DDX43: variants seen among roughly 807,000 people sequenced by gnomAD.
The protein encoded by DDX43 is DEAD-box helicase 43, also known as probable ATP-dependent RNA helicase DDX43.
In DDX43, 50 loss-of-function variants were observed where a neutral mutation model predicts 84.9. The observed-to-expected ratio is 0.59, with a 90% confidence interval of 0.47 to 0.75. The LOEUF is 0.75. Among genes scored for constraint, DDX43 ranks in the 30% least tolerant of loss-of-function variants. DDX43 has a pLI of 0.00. For synonymous variants in DDX43, 291 were observed against 266.3 expected (o/e 1.09, Z -0.90); for missense variants, 689 against 798.6 (o/e 0.86, Z 1.65).
chr6:73,414,708 A>C, intron 14 of DDX43, 22 bp downstream of exon 14: 2 of 1,593,938 alleles, frequency 1.3e-6, no homozygotes, highest in East Asian at 2.2e-5. Flanking sequence ...TAGTCCACCC[A>C]TGAAAGGCCA....
At chr6:73,410,072 C>CT (rs1263767952) in intron 10 of DDX43, among the ~76,000 whole-genome samples, 1 of 150,820 alleles carries the variant, frequency 6.6e-6, no homozygotes, top group East Asian at 1.9e-4. Flanking sequence ...GGCTTATATA[C>CT]TTTGTCTTTA....
intron 11 of DDX43, among the ~76,000 whole-genome samples, chr6:73,412,659 G>GTA (rs1166661733): frequency 1.1e-5 from 1 of 90,950 alleles, no homozygotes; most frequent in South Asian, 4.1e-4. Context: ...GTGTGTGTGT[G>GTA]TGTGTGTGTG....
In DDX43 at chr6:73,394,923, A is replaced by C. The variant is rs770071600; in HGVS notation, c.18A>C (p.Gly6=). The change falls in exon 1 of 17, where the codon GGA becomes GGC. Residue 6 remains glycine (G), a synonymous_variant. Coordinates refer to ENST00000370336, the MANE Select transcript of DDX43 (RefSeq NM_018665.3). MSHHG[G]APKASTWVVA... ...TTGGAACAATGTCCCACCACGGAGG[A>C]GCTCCCAAGGCCTCTACGTGGGTCG... 1.2e-6 allele frequency: 2 copies of C among 1,614,162 alleles called. No individual in the cohort carries two copies. Among genetic ancestry groups the C allele is most frequent in the Non-Finnish European group, 1.7e-6 (2 of 1,180,012 alleles).
chr6:73,398,984 C>A (rs571899148), intron 2 of DDX43, among the ~76,000 whole-genome samples: 1 of 152,238 alleles, frequency 6.6e-6, no homozygotes, highest in East Asian at 1.9e-4. Context: ...CTTGCTCTGT[C>A]GCCCAGGCTG....
chr6:73,414,497 G>T, intron 13 of DDX43, 51 bp from the exon 14 acceptor site: 1 of 1,434,788 alleles, frequency 7.0e-7, no homozygotes, highest in Non-Finnish European at 9.5e-7. Flanking sequence ...TTTAGATCTT[G>T]GGTTGGTTTA....
In DDX43 at chr6:73,406,490, T is replaced by C; in HGVS notation, c.926+8T>C. 1 of 1,547,532 alleles carries C rather than the reference T, an allele frequency of 6.5e-7. No homozygotes were observed. The highest frequency in any genetic ancestry group is 8.9e-7 in the Non-Finnish European group (1 of 1,121,424). ...TCTGGTCCTTCAACCCAGGTAAGAA[T>C]TCCTATGGCTGGTTTCTTCTTATAG... is the stretch of plus-strand genomic sequence containing the variant. On this transcript the variant is annotated splice_region_variant and intron_variant, in intron 7 of 16. Transcript: ENST00000370336.
In DDX43 at chr6:73,395,121, T is replaced by C. The variant is rs761360343; in HGVS notation, c.216T>C (p.Phe72=). 2 of 1,613,988 alleles carry C rather than the reference T, an allele frequency of 1.2e-6. No individual in the cohort carries two copies. The highest frequency in any genetic ancestry group is 1.7e-6 in the Non-Finnish European group (2 of 1,179,898). The change falls in exon 1 of 17, where the codon TTT becomes TTC. Residue 72 remains phenylalanine, a synonymous_variant. Transcript: ENST00000370336. ...AAGHEELPLC[F]ALKSHFVGAV... is the part of the protein sequence containing the mutation. ...GTCACGAGGAACTGCCGCTGTGTTT[T>C]GCTTTGAAGAGCCACTTTGTTGGCG...
At chr6:73,412,656 T>TGTGTGTGC (rs1554236130) in intron 11 of DDX43, among the ~76,000 whole-genome samples, 9 of 87,964 alleles carry the variant, frequency 1.0e-4, no homozygotes, top group African/African-American at 3.6e-4. Flanking sequence ...TGTGTGTGTG[T>TGTGTGTGC]GTGTGTGTGT....
Position 73,416,235 on chromosome 6 carries a change from G to T in DDX43, c.*9G>T. ...CCAAGAAGTTTCATTAATGTCTTCT[G>T]TACTAGTGGGGTAGAGGTAAAAGTT... On this transcript the variant is annotated 3_prime_UTR_variant, in exon 16 of 17. Coordinates refer to ENST00000370336, the MANE Select transcript of DDX43 (RefSeq NM_018665.3). The T allele has an allele frequency of 7.1e-7, 1 of 1,402,216 alleles. No homozygotes were observed. Among genetic ancestry groups the T allele is most frequent in the Middle Eastern group, 1.8e-4 (1 of 5,678 alleles). 86.9% of individuals were successfully genotyped at this position (1,402,216 alleles called of 1,614,324 possible). A position where few individuals can be genotyped will look rare whatever the true frequency, so the allele number is the denominator to read the frequency against.
Position 73,412,677 on chromosome 6 carries a change from G to GCA in DDX43, c.1368+386_1368+387insAC, listed in dbSNP as rs1469510373. Among the ~76,000 whole-genome samples the GCA allele has an allele frequency of 2.6e-3, 299 of 114,744 alleles. 8 individuals carry two copies. The highest frequency in any genetic ancestry group is 4.8e-3 in the Admixed American group (56 of 11,766). The allele number at this position is 114,744 out of a possible 152,430, so 75.3% of individuals were successfully genotyped here. A position where few individuals can be genotyped will look rare whatever the true frequency, so the allele number is the denominator to read the frequency against. The stretch of plus-strand genomic sequence containing the variant: ...TGTGTGTGTGTGTGTGTGCGCGCGC[G>GCA]CGTGTGTGTGTGTGCGCGTGCGTGC... On this transcript the variant is annotated intron_variant, in intron 11 of 16. Transcript: ENST00000370336.
Position 73,414,653 on chromosome 6 carries a change from A to AT in DDX43, c.1712_1713insT (p.Val572ArgfsTer22). The AT allele has an allele frequency of 6.2e-7, 1 of 1,614,032 alleles. No individual in the cohort carries two copies. Among genetic ancestry groups the AT allele is most frequent in the Non-Finnish European group, 8.5e-7 (1 of 1,179,982 alleles). On this transcript the variant is annotated frameshift_variant, in exon 14 of 17. Transcript: ENST00000370336. LOFTEE classifies it high-confidence loss of function. ...GACTTTCCACGGAATATTGAAGAATACGTACACCGAATAGGGCGCACGGGA... is the reference window on the plus strand; with the variant it reads ...GACTTTCCACGGAATATTGAAGAATATCGTACACCGAATAGGGCGCACGGGA...
chr6:73,402,572 C>T (rs1355375532), intron 4 of DDX43, among the ~76,000 whole-genome samples: 2 of 152,012 alleles, frequency 1.3e-5, no homozygotes, highest in African/African-American at 4.8e-5. Flanking sequence ...TGTGCCCAGC[C>T]TTGTTTGAAT....
chr6:73,405,802 A>G lies in DDX43; in HGVS notation c.774A>G (p.Lys258=). The change falls in exon 6 of 17, where the codon AAA becomes AAG. Residue 258 remains lysine (K), a synonymous_variant. Transcript: ENST00000370336. ...QCYPEVMENI[K]KAGFQKPTPI... ...ATCCTGAGGTTATGGAAAACATTAA[A>G]AAGGCAGGTTTTCAAAAGCCAACAC... is the stretch of plus-strand genomic sequence containing the variant. 6.2e-7 allele frequency: 1 copy of G among 1,614,094 alleles called. No homozygotes were observed. Among genetic ancestry groups the G allele is most frequent in the Non-Finnish European group, 8.5e-7 (1 of 1,180,006 alleles).
At chr6:73,413,610 C>T (rs371188301) in intron 11 of DDX43, 48 bp from the exon 12 acceptor site, 13 of 1,590,324 alleles carry the variant, frequency 8.2e-6, no homozygotes, top group East Asian at 2.2e-5. Context: ...TGCGGTCTCA[C>T]CCTCAATCAT....
chr6:73,405,112 T>TG lies in DDX43; in HGVS notation c.650+342dup, dbSNP rs1769651940. ...AGAATTATTTCTCCAATAGTTGAAT[T>TG]GAAAAAAAAAAAAAGATCTAATCTT... is the stretch of plus-strand genomic sequence containing the variant. On this transcript the variant is annotated intron_variant, in intron 5 of 16. Coordinates refer to ENST00000370336, the MANE Select transcript of DDX43 (RefSeq NM_018665.3). 4.0e-5 allele frequency among the ~76,000 whole-genome samples: 6 copies of TG among 150,084 alleles called. No homozygotes were observed. The South Asian group carries it at 1.3e-3, about 31-fold the overall frequency.
chr6:73,404,812 G>T, intron 5 of DDX43, 41 bp downstream of exon 5: 1 of 1,458,134 alleles, frequency 6.9e-7, no homozygotes, highest in East Asian at 2.3e-5. Context: ...TATTTGTATA[G>T]TTACGTTATT....
In DDX43 at chr6:73,394,841, G is replaced by A; in HGVS notation, c.-65G>A. ...GGCTTCCCTGGCACGCTACTCTTACGACGTCACGGTCAGGTGGTGCAGAGC... is the reference window on the plus strand; with the variant it reads ...GGCTTCCCTGGCACGCTACTCTTACAACGTCACGGTCAGGTGGTGCAGAGC... On this transcript the variant is annotated 5_prime_UTR_variant, in exon 1 of 17. Coordinates refer to ENST00000370336, the MANE Select transcript of DDX43 (RefSeq NM_018665.3). 1 of 1,578,312 alleles carries A rather than the reference G, an allele frequency of 6.3e-7. No homozygotes were observed. The highest frequency in any genetic ancestry group is 8.6e-7 in the Non-Finnish European group (1 of 1,162,338).
Position 73,412,383 on chromosome 6 carries a change from A to G in DDX43, c.1368+91A>G, listed in dbSNP as rs529965550. 8.8e-6 allele frequency: 8 copies of G among 909,690 alleles called. No homozygotes were observed. The African/African-American group carries it at 1.2e-4, about 13-fold the overall frequency. The allele number at this position is 909,690 out of a possible 1,614,324, so 56.4% of individuals were successfully genotyped here. A position where few individuals can be genotyped will look rare whatever the true frequency, so the allele number is the denominator to read the frequency against. On this transcript the variant is annotated intron_variant, in intron 11 of 16. Coordinates refer to ENST00000370336, the MANE Select transcript of DDX43 (RefSeq NM_018665.3). ...GTGTGCCTAGTCTGCCCACTCCCCA[A>G]TTTTAGGGCAAATCACACTTGCATA...
In DDX43 at chr6:73,401,912, G is replaced by T; in HGVS notation, c.490G>T (p.Val164Phe). 1 of 1,613,610 alleles carries T rather than the reference G, an allele frequency of 6.2e-7. No individual in the cohort carries two copies. The highest frequency in any genetic ancestry group is 1.1e-5 in the South Asian group (1 of 91,078). ...AGATGGAAGCACAGATAACAATGTT[G>T]TTGCAGGAGATCGGCCATTGATAGA... ...GKDGSTDNNV[V>F]AGDRPLIDWD... Residue 164 changes from valine to phenylalanine, a missense_variant, in exon 4 of 17, where the codon GTT becomes TTT. By Grantham distance (50) the Val-to-Phe change is conservative. Coordinates refer to ENST00000370336, the MANE Select transcript of DDX43 (RefSeq NM_018665.3).
Sources: allele counts gnomAD v4.1 joint callset (sites outside exome capture counted in the v4.1 genomes callset), GRCh38; gene constraint gnomAD v4.1.1; transcripts MANE v1.5; gene names NCBI Gene and HGNC (gene_info 2026-07-23, HGNC 2026-07-21).